The following NR5A1 variants were observed in gnomAD, a reference collection of about 807,000 sequenced individuals.
The protein encoded by NR5A1 is steroidogenic factor 1.
NR5A1 carries 6 observed loss-of-function variants against 42.7 expected under a neutral mutation model. That is an observed-to-expected ratio of 0.14 (90% CI 0.08 to 0.28). The LOEUF is 0.28. Ranked by LOEUF, NR5A1 falls within the 10% of genes least tolerant of loss-of-function variation. The pLI is 1.00. For missense variants in NR5A1, 442 were observed against 626.4 expected (o/e 0.71, Z 3.14); for synonymous variants, 274 against 277.5 (o/e 0.99, Z 0.12).
At position 124,500,135 on chromosome 9, in the gene NR5A1, G is replaced by A; in HGVS notation, c.825C>T (p.Ser275=). Residue 275 remains serine, a synonymous_variant, in exon 4 of 7, where the codon TCC becomes TCT. Transcript: ENST00000373588. The surrounding 1 kb of genome is among the most constrained non-coding windows in gnomAD (Gnocchi z 6.9). ...LCRMADQTFI[S]IVDWARRCMV... is the part of the protein sequence containing the mutation. ...TGCACCTGCGTGCCCAGTCCACGAT[G>A]GAGATGAAGGTCTGGTCGGCCATTC... is the stretch of plus-strand genomic sequence containing the variant. 1 of 1,613,078 alleles carries A rather than the reference G, an allele frequency of 6.2e-7. No homozygotes were observed. The highest frequency in any genetic ancestry group is 1.1e-5 in the South Asian group (1 of 91,090).
At chr9:124,504,705 C>T (rs973190497) in intron 1 of NR5A1, among the ~76,000 whole-genome samples, 2 of 148,304 alleles carry the variant, frequency 1.3e-5, no homozygotes, top group Non-Finnish European at 3.0e-5. Flanking sequence ...CGAGCAGCGC[C>T]CCGCGTCCCG....
intron 6 of NR5A1, among the ~76,000 whole-genome samples, chr9:124,488,450 C>T (rs1832255466): frequency 6.6e-6 from 1 of 152,236 alleles, no homozygotes; most frequent in Non-Finnish European, 1.5e-5. Flanking sequence ...CACCCACCCA[C>T]ATCAGCCAGA....
In NR5A1 at chr9:124,500,109, A is replaced by G. The variant is rs1046426869; in HGVS notation, c.851T>C (p.Met284Thr). 1 of 1,613,100 alleles carries G rather than the reference A, an allele frequency of 6.2e-7. No individual in the cohort carries two copies. Among genetic ancestry groups the G allele is most frequent in the Non-Finnish European group, 8.5e-7 (1 of 1,180,024 alleles). The change falls in exon 4 of 7, where the codon ATG (methionine) becomes ACG (threonine). Residue 284 changes from methionine (M) to threonine (T), a missense_variant. By Grantham distance (81) the Met-to-Thr change is moderately conservative. Coordinates refer to ENST00000373588, the MANE Select transcript of NR5A1 (RefSeq NM_004959.5). The surrounding 1 kb of genome is among the most constrained non-coding windows in gnomAD (Gnocchi z 6.9). ...ISIVDWARRC[M>T]VFKELEVADQ... ...ACTCACCTCCAGCTCCTTGAAGACC[A>G]TGCACCTGCGTGCCCAGTCCACGAT...
chr9:124,486,904 C>T (rs1329536790), intron 6 of NR5A1, among the ~76,000 whole-genome samples: 1 of 152,256 alleles, frequency 6.6e-6, no homozygotes, highest in Non-Finnish European at 1.5e-5. Flanking sequence ...CAAGTCACTT[C>T]CCCTCTCTGA....
At chr9:124,506,097 G>T (rs1447722065) in intron 1 of NR5A1, among the ~76,000 whole-genome samples, 3 of 152,204 alleles carry the variant, frequency 2.0e-5, no homozygotes, top group South Asian at 2.1e-4. Context: ...CTCGGGCTTC[G>T]GTTGGAGCTG....
In NR5A1 at chr9:124,481,467, G is replaced by C. The variant is rs1278734766; in HGVS notation, c.*1291C>G. ...CAAGCTGCAACAGTAACATGAAAGC[G>C]GGACGGACAGCAGGCACCCCGCCGG... On this transcript the variant is annotated 3_prime_UTR_variant, in exon 7 of 7. Coordinates refer to ENST00000373588, the MANE Select transcript of NR5A1 (RefSeq NM_004959.5). 1.3e-5 allele frequency: 2 copies of C among 152,248 alleles called. No homozygotes were observed. The highest frequency in any genetic ancestry group is 2.9e-5 in the Non-Finnish European group (2 of 68,118). The allele number at this position is 152,248 out of a possible 1,614,324, so 9.4% of individuals were successfully genotyped here. A position where few individuals can be genotyped will look rare whatever the true frequency, so the allele number is the denominator to read the frequency against.
chr9:124,506,418 G>A (rs2131293859), intron 1 of NR5A1, among the ~76,000 whole-genome samples: 1 of 152,250 alleles, frequency 6.6e-6, no homozygotes, highest in East Asian at 1.9e-4. Flanking sequence ...GCTGGAGGTG[G>A]GGGTCACTGC....
chr9:124,497,205 C>G (rs554118236), intron 4 of NR5A1, among the ~76,000 whole-genome samples: 1 of 152,176 alleles, frequency 6.6e-6, no homozygotes, highest in African/African-American at 2.4e-5. Context: ...CTCACTAACC[C>G]TTTACCACAA....
At chr9:124,502,793 G>A (rs1832488485) in intron 3 of NR5A1, among the ~76,000 whole-genome samples, 3 of 152,320 alleles carry the variant, frequency 2.0e-5, no homozygotes, top group South Asian at 2.1e-4. Context: ...GAGCTCTGCC[G>A]ACCCTGTGCT....
intron 6 of NR5A1, 132 bp from the exon 7 acceptor site, chr9:124,483,137 C>T: frequency 6.3e-7 from 1 of 1,587,262 alleles, no homozygotes; most frequent in Non-Finnish European, 8.5e-7. Flanking sequence ...CTGCCACCAA[C>T]CATGCAACAT....
In NR5A1 at chr9:124,503,068, GCGGCGCGCA is replaced by G; in HGVS notation, c.244+2_244+10del. 1 of 1,564,574 alleles carries G rather than the reference GCGGCGCGCA, an allele frequency of 6.4e-7. No individual in the cohort carries two copies. The highest frequency in any genetic ancestry group is 8.6e-7 in the Non-Finnish European group (1 of 1,158,836). On this transcript the variant is annotated splice_donor_variant and splice_donor_5th_base_variant and intron_variant, in intron 3 of 6. Transcript: ENST00000373588. LOFTEE classifies it high-confidence loss of function. This position sits in a 1 kb window ranked among gnomAD's most constrained non-coding sequence, Gnocchi z 9.6. The stretch of plus-strand genomic sequence containing the variant: ...TGGGGGGTCAGGGGTCGAGGCCCGC[GCGGCGCGCA>G]CCTTCCAGGCGCATCCCCACCGTCA...
chr9:124,488,832 G>A (rs1385983082), intron 6 of NR5A1, among the ~76,000 whole-genome samples: 6 of 152,214 alleles, frequency 3.9e-5, no homozygotes, highest in Non-Finnish European at 7.3e-5. Context: ...TTTCCTAAGC[G>A]CTGTGCCACC....
rs2297605 is a variant in NR5A1, at chr9:124,493,169, G to T, written c.871-20C>A. The T allele has an allele frequency of 1.1e-5, 17 of 1,605,398 alleles. No individual in the cohort carries two copies. Among genetic ancestry groups the T allele is most frequent in the Non-Finnish European group, 1.4e-5 (17 of 1,175,758 alleles). ...GGCCACCTGGAAGGAAGAGGCACGC[G>T]GGGGGCCGGGCTCCAGCCAGGGTCC... On this transcript the variant is annotated intron_variant, in intron 4 of 6. Coordinates refer to ENST00000373588, the MANE Select transcript of NR5A1 (RefSeq NM_004959.5).
At position 124,482,998 on chromosome 9, in the gene NR5A1, C is replaced by T. The variant is rs778282194; in HGVS notation, c.1146G>A (p.Lys382=). 2 of 1,614,134 alleles carry T rather than the reference C, an allele frequency of 1.2e-6. No individual in the cohort carries two copies. Among genetic ancestry groups the T allele is most frequent in the Non-Finnish European group, 1.7e-6 (2 of 1,180,044 alleles). ...TCACCAGGATGTGGTTATTCAGGAA[C>T]TTCAAATCTGCAAAGGGAGGTTCTC... ...KFIILFSLDL[K]FLNNHILVKD... is the part of the protein sequence containing the mutation. Residue 382 remains lysine (K), a synonymous_variant, in exon 7 of 7, where the codon AAG becomes AAA. Coordinates refer to ENST00000373588, the MANE Select transcript of NR5A1 (RefSeq NM_004959.5).
At chr9:124,495,421 A>G (rs1832376899) in intron 4 of NR5A1, among the ~76,000 whole-genome samples, 1 of 152,196 alleles carries the variant, frequency 6.6e-6, no homozygotes, top group Non-Finnish European at 1.5e-5. Flanking sequence ...ACAGATAAGG[A>G]AACAGAGGCC....
chr9:124,482,661 G>C lies in NR5A1; in HGVS notation c.*97C>G. ...GGCTGGGGCTCCTCGGTGGGCATCA[G>C]AAAATGAACCATGCGGAGCCAGCGG... On this transcript the variant is annotated 3_prime_UTR_variant, in exon 7 of 7. Coordinates refer to ENST00000373588, the MANE Select transcript of NR5A1 (RefSeq NM_004959.5). The C allele has an allele frequency of 7.1e-7, 1 of 1,406,684 alleles. No individual in the cohort carries two copies. The highest frequency in any genetic ancestry group is 9.7e-7 in the Non-Finnish European group (1 of 1,031,716). The allele number at this position is 1,406,684 out of a possible 1,614,324, so 87.1% of individuals were successfully genotyped here.
Position 124,500,014 on chromosome 9 carries a change from A to G in NR5A1, c.870+76T>C. 6.2e-7 allele frequency: 1 copy of G among 1,608,460 alleles called. No individual in the cohort carries two copies. The highest frequency in any genetic ancestry group is 1.1e-5 in the South Asian group (1 of 90,756). On this transcript the variant is annotated intron_variant, in intron 4 of 6. Coordinates refer to ENST00000373588, the MANE Select transcript of NR5A1 (RefSeq NM_004959.5). The surrounding 1 kb of genome is among the most constrained non-coding windows in gnomAD (Gnocchi z 6.9). The stretch of plus-strand genomic sequence containing the variant: ...CCAGTGGGAAGGATGGCCCTATCCA[A>G]AGGACAGTCGGGCTAAGGCTTGGGC...
chr9:124,497,543 C>T (rs529152105), intron 4 of NR5A1, among the ~76,000 whole-genome samples: 1 of 152,306 alleles, frequency 6.6e-6, no homozygotes, highest in East Asian at 1.9e-4. Context: ...GAGAGCTCAG[C>T]TGAGACTCCA....
Position 124,482,667 on chromosome 9 carries a change from G to A in NR5A1, c.*91C>T, listed in dbSNP as rs1461100649. 7.0e-7 allele frequency: 1 copy of A among 1,424,264 alleles called. No individual in the cohort carries two copies. The highest frequency in any genetic ancestry group is 1.4e-5 in the African/African-American group (1 of 70,660). The allele number at this position is 1,424,264 out of a possible 1,614,324, so 88.2% of individuals were successfully genotyped here. A position where few individuals can be genotyped will look rare whatever the true frequency, so the allele number is the denominator to read the frequency against. ...GGCTCCTCGGTGGGCATCAGAAAAT[G>A]AACCATGCGGAGCCAGCGGTGTGGC... On this transcript the variant is annotated 3_prime_UTR_variant, in exon 7 of 7. Transcript: ENST00000373588.
Sources: gnomAD v4.1 joint callset for allele counts (sites outside exome capture counted in the v4.1 genomes callset) on GRCh38, gnomAD v4.1.1 for gene constraint, Gnocchi (gnomAD v3.1) non-coding constraint, MANE v1.5 for transcripts, NCBI Gene and HGNC (gene_info 2026-07-23, HGNC 2026-07-21) for gene names.